WDR49: variants seen among roughly 807,000 people sequenced by gnomAD.
WDR49 encodes the protein WD repeat domain 49, also known as cilia- and flagella-associated protein 337.
A neutral mutation model predicts 119.5 loss-of-function variants in WDR49; 107 were observed. The ratio of observed to expected loss-of-function variants is 0.90; its 90% CI spans 0.77 to 1.05. The LOEUF is 1.05. Among genes scored for constraint, WDR49 ranks in the 50% least tolerant of loss-of-function variants. The pLI, the probability that WDR49 is intolerant of heterozygous loss-of-function variation, is 0.00. For missense variants in WDR49, 1,240 were observed against 1,220.5 expected, an observed-to-expected ratio of 1.02 and a Z score of -0.24; for synonymous variants, 425 against 418.8, an observed-to-expected ratio of 1.01 and a Z score of -0.18.
At chr3:167,638,897 G>A (rs1020648213) in intron 2 of WDR49, among the ~76,000 whole-genome samples, 7 of 151,670 alleles carry the variant, frequency 4.6e-5, no homozygotes, top group African/African-American at 1.7e-4. Flanking sequence ...TCAACATTTC[G>A]ATTTCCTATC....
chr3:167,555,076 G>T lies in WDR49; in HGVS notation c.1675-278C>A, dbSNP rs143458062. On this transcript the variant is annotated intron_variant, in intron 9 of 18. Transcript: ENST00000682715. Reference sequence around the variant, plus strand: ...ACTCCAGGCTGGGGAGCCCTAAATAGCTTCAGGGTGGAGGCTGTTCTCAAG... The same window carrying T: ...ACTCCAGGCTGGGGAGCCCTAAATATCTTCAGGGTGGAGGCTGTTCTCAAG... Among the ~76,000 whole-genome samples, 28 of 152,184 alleles carry T rather than the reference G, an allele frequency of 1.8e-4. 1 individual carries two copies. In the South Asian group the frequency reaches 5.8e-3, roughly 32 times the overall value.
chr3:167,507,624 A>C (rs549168956), intron 16 of WDR49, among the ~76,000 whole-genome samples: 1 of 152,094 alleles, frequency 6.6e-6, no homozygotes, highest in East Asian at 1.9e-4. Flanking sequence ...TTTTTTTTCC[A>C]AAACACTCTA....
intron 7 of WDR49, 122 bp from the exon 8 acceptor site, chr3:167,576,273 T>C (rs1024190992): frequency 7.9e-6 from 6 of 759,376 alleles, no homozygotes; most frequent in African/African-American, 3.5e-5. Context: ...AGTGCTATAA[T>C]TGGTTCTCAA....
intron 9 of WDR49, among the ~76,000 whole-genome samples, chr3:167,556,689 C>T (rs1274028388): frequency 6.6e-6 from 1 of 151,998 alleles, no homozygotes; most frequent in East Asian, 1.9e-4. Context: ...AGTTTGAGAC[C>T]AGCCTGGCCA....
intron 18 of WDR49, among the ~76,000 whole-genome samples, chr3:167,484,789 TA>T (rs112088975): frequency 1.1e-3 from 153 of 141,886 alleles, no homozygotes; most frequent in Middle Eastern, 3.7e-3. Context: ...ATACCACGGG[TA>T]AAAAAAAAAA....
intron 10 of WDR49, among the ~76,000 whole-genome samples, chr3:167,543,687 T>C (rs1473176211): frequency 2.0e-5 from 3 of 151,842 alleles, no homozygotes; most frequent in South Asian, 4.1e-4. Flanking sequence ...CAACATTATG[T>C]TGAATGGGGA....
At chr3:167,608,121 C>T (rs144169761) in intron 5 of WDR49, among the ~76,000 whole-genome samples, 111 of 152,170 alleles carry the variant, frequency 7.3e-4, no homozygotes, top group African/African-American at 2.6e-3. Flanking sequence ...CTAGAAGTTC[C>T]AATAGTATAA....
At chr3:167,575,376 G>T (rs1028188689) in intron 8 of WDR49, 2 of 817,878 alleles carry the variant, frequency 2.4e-6, no homozygotes, top group South Asian at 5.6e-5. Context: ...AGGCTGCGGA[G>T]CGTCATTAAA....
chr3:167,595,540 A>G (rs942207847), intron 7 of WDR49, among the ~76,000 whole-genome samples: 1 of 152,230 alleles, frequency 6.6e-6, no homozygotes, highest in Non-Finnish European at 1.5e-5. Flanking sequence ...AATGGAACAG[A>G]ACAAAGCCCT....
At chr3:167,586,530 A>G (rs1305807610) in intron 7 of WDR49, among the ~76,000 whole-genome samples, 1 of 152,226 alleles carries the variant, frequency 6.6e-6, no homozygotes, top group Non-Finnish European at 1.5e-5. Flanking sequence ...CTTCTAATTC[A>G]GCAATTCATT....
intron 4 of WDR49, 65 bp from the exon 5 acceptor site, chr3:167,620,668 T>C (rs1716825490): frequency 3.5e-6 from 5 of 1,418,148 alleles, no homozygotes; most frequent in Non-Finnish European, 4.6e-6. Flanking sequence ...AGATTCTAGG[T>C]TATTTTAGTT....
chr3:167,560,000 T>C, intron 9 of WDR49, 64 bp downstream of exon 9: 2 of 1,551,508 alleles, frequency 1.3e-6, no homozygotes, highest in African/African-American at 1.4e-5. Flanking sequence ...TCTATAGCCA[T>C]GTCTTCTGGC....
intron 18 of WDR49, among the ~76,000 whole-genome samples, chr3:167,493,860 A>G (rs2108202022): frequency 6.6e-6 from 1 of 152,274 alleles, no homozygotes; most frequent in East Asian, 1.9e-4. Context: ...CATATCTTAG[A>G]AACTAATGTC....
intron 18 of WDR49, among the ~76,000 whole-genome samples, chr3:167,479,514 C>T (rs1750614892): frequency 6.6e-6 from 1 of 152,080 alleles, no homozygotes; most frequent in Non-Finnish European, 1.5e-5. Flanking sequence ...GGAAATTGTG[C>T]CATACATTCT....
At chr3:167,534,958 C>T (rs907434205) in intron 11 of WDR49, among the ~76,000 whole-genome samples, 13 of 152,140 alleles carry the variant, frequency 8.5e-5, no homozygotes, top group African/African-American at 2.9e-4. Flanking sequence ...CCTAAAGCTG[C>T]TCCTGGAAAA....
chr3:167,529,333 T>C, intron 13 of WDR49, 94 bp from the exon 14 acceptor site: 1 of 1,187,378 alleles, frequency 8.4e-7, no homozygotes, highest in Non-Finnish European at 1.2e-6. Context: ...GCATGTGATG[T>C]TGAAGAGGTG....
At chr3:167,560,521 T>G (rs764852067) in intron 8 of WDR49, among the ~76,000 whole-genome samples, 2 of 152,174 alleles carry the variant, frequency 1.3e-5, no homozygotes, top group Non-Finnish European at 2.9e-5. Flanking sequence ...GAAAATAAAC[T>G]TACGAATCTT....
chr3:167,563,074 C>A (rs953056683), intron 8 of WDR49, among the ~76,000 whole-genome samples: 1 of 152,106 alleles, frequency 6.6e-6, no homozygotes, highest in Non-Finnish European at 1.5e-5. Flanking sequence ...ATTTTAGAAA[C>A]CTGATTTTAG....
In WDR49 at chr3:167,639,003, A is replaced by G. The variant is rs146358940; in HGVS notation, c.166-11711T>C. Among the ~76,000 whole-genome samples the G allele has an allele frequency of 4.0e-4, 61 of 151,800 alleles. 1 individual carries two copies. The East Asian group carries it at 0.011, about 28-fold the overall frequency. ...AAGATGATCATCACCCCTGAGAAAT[A>G]TAATTGTTCTTATTAATTTTCTCTA... On this transcript the variant is annotated intron_variant, in intron 2 of 18. Transcript: ENST00000682715.
Sources: gnomAD v4.1 joint callset for allele counts (sites outside exome capture counted in the v4.1 genomes callset) on GRCh38, gnomAD v4.1.1 for gene constraint, MANE v1.5 for transcripts, NCBI Gene and HGNC (gene_info 2026-07-23, HGNC 2026-07-21) for gene names.